Variants in WDR7 observed in about 807,000 individuals in gnomAD.
WDR7 encodes WD repeat domain 7, also known as WD repeat-containing protein 7.
Under a neutral mutation model 169.4 loss-of-function variants are expected in WDR7, and 46 were observed. The observed-to-expected ratio is 0.27, with a 90% CI of 0.21 to 0.35. The LOEUF (loss-of-function observed/expected upper bound fraction) is 0.35. Ranked by LOEUF, WDR7 falls within the 10% of genes least tolerant of loss-of-function variation. The probability of loss-of-function intolerance (pLI) is 1.00; values close to 1 mark genes in which losing one functional copy is unlikely to be tolerated. For missense variants in WDR7, 1,534 were observed against 1,859.3 expected (o/e 0.83, Z 3.22); for synonymous variants, 612 against 666.8 (o/e 0.92, Z 1.27).
intron 22 of WDR7, among the ~76,000 whole-genome samples, chr18:56,929,423 A>G (rs1193094207): frequency 6.6e-6 from 1 of 152,258 alleles, no homozygotes; most frequent in Non-Finnish European, 1.5e-5. Flanking sequence ...TTTGCACACA[A>G]TAAATGTTGA....
At chr18:56,666,021 A>T (rs2025013116) in intron 1 of WDR7, among the ~76,000 whole-genome samples, 1 of 151,780 alleles carries the variant, frequency 6.6e-6, no homozygotes, top group African/African-American at 2.4e-5. Flanking sequence ...GTCCCATGGG[A>T]AGGGTACAAG....
intron 20 of WDR7, among the ~76,000 whole-genome samples, chr18:56,820,649 G>C (rs1051439922): frequency 1.3e-5 from 2 of 151,926 alleles, no homozygotes; most frequent in Admixed American, 6.6e-5. Flanking sequence ...CCTCAGTTAC[G>C]TTGTACAGAC....
At chr18:56,962,194 A>G (rs1172494552) in intron 25 of WDR7, among the ~76,000 whole-genome samples, 1 of 152,072 alleles carries the variant, frequency 6.6e-6, no homozygotes, top group East Asian at 1.9e-4. Flanking sequence ...TCTGTTGAAA[A>G]TAATTATTAA....
At chr18:56,884,457 G>C (rs904041436) in intron 21 of WDR7, among the ~76,000 whole-genome samples, 7 of 152,182 alleles carry the variant, frequency 4.6e-5, no homozygotes, top group African/African-American at 1.4e-4. Context: ...TGGGTTGTCT[G>C]TTTACTCTGC....
At chr18:56,931,706 A>G (rs1406090707) in intron 22 of WDR7, among the ~76,000 whole-genome samples, 1 of 152,258 alleles carries the variant, frequency 6.6e-6, no homozygotes, top group East Asian at 1.9e-4. Context: ...TTGTTTCACT[A>G]GAAGTCAATG....
At chr18:56,915,213 T>G (rs2046608939) in intron 21 of WDR7, among the ~76,000 whole-genome samples, 1 of 152,174 alleles carries the variant, frequency 6.6e-6, no homozygotes, top group Admixed American at 6.5e-5. Context: ...TCATAAATAA[T>G]GGGTACCTTG....
At chr18:56,848,656 C>T (rs1437395646) in intron 20 of WDR7, among the ~76,000 whole-genome samples, 1 of 152,004 alleles carries the variant, frequency 6.6e-6, no homozygotes, top group Non-Finnish European at 1.5e-5. Flanking sequence ...GGCTTGGTAC[C>T]CTCCTCATGG....
At chr18:56,754,630 G>A (rs1363670192) in intron 14 of WDR7, among the ~76,000 whole-genome samples, 4 of 152,086 alleles carry the variant, frequency 2.6e-5, no homozygotes, top group Admixed American at 2.6e-4. Context: ...ATGGTTAGAT[G>A]TGCCCAGAAA....
intron 1 of WDR7, among the ~76,000 whole-genome samples, chr18:56,662,518 T>G (rs1171540297): frequency 6.6e-6 from 1 of 152,220 alleles, no homozygotes; most frequent in Non-Finnish European, 1.5e-5. Context: ...CTGAATCAAA[T>G]GGTCGAAGGT....
intron 2 of WDR7, among the ~76,000 whole-genome samples, chr18:56,674,061 T>C (rs1027697313): frequency 6.6e-6 from 1 of 152,262 alleles, no homozygotes; most frequent in African/African-American, 2.4e-5. Flanking sequence ...CTGGCCCTTA[T>C]GAGTAATGCT....
In WDR7 at chr18:56,672,689, T is replaced by A. The variant is rs1345180441; in HGVS notation, c.159+15T>A. ...TAGAACTGCAAGTGAGTATGTGAAA[T>A]GCCTATTATACATTTTAGATATAAA... On this transcript the variant is annotated intron_variant, in intron 2 of 27. Coordinates refer to ENST00000254442, the MANE Select transcript of WDR7 (RefSeq NM_015285.3). 6.3e-7 allele frequency: 1 copy of A among 1,595,494 alleles called. No homozygotes were observed. Among genetic ancestry groups the A allele is most frequent in the African/African-American group, 1.4e-5 (1 of 73,998 alleles).
chr18:56,941,284 G>A (rs2047032264), intron 25 of WDR7, among the ~76,000 whole-genome samples: 1 of 144,860 alleles, frequency 6.9e-6, no homozygotes, highest in African/African-American at 2.9e-5. Flanking sequence ...TCACAAAGGA[G>A]AAGGCATAAT....
intron 20 of WDR7, among the ~76,000 whole-genome samples, chr18:56,831,073 C>G (rs1057325977): frequency 3.3e-5 from 5 of 152,158 alleles, no homozygotes; most frequent in African/African-American, 4.8e-5. Flanking sequence ...TACATCAACC[C>G]AGCCTGGGAG....
chr18:56,810,336 T>C (rs1243740931), intron 19 of WDR7, among the ~76,000 whole-genome samples: 1 of 152,272 alleles, frequency 6.6e-6, no homozygotes, highest in Non-Finnish European at 1.5e-5. Flanking sequence ...ACCCCTTTAC[T>C]GTCTTCCAAA....
At position 56,901,719 on chromosome 18, in the gene WDR7, T is replaced by A. The variant is rs73436797; in HGVS notation, c.3526+21554T>A. On this transcript the variant is annotated intron_variant, in intron 21 of 27. Transcript: ENST00000254442. ...TCTGAGCCTGCTACTAGGTGCTTTA[T>A]CAGACTGAAGAAATGGTCCCTATAA... Among the ~76,000 whole-genome samples, 390 of 152,284 alleles carry A rather than the reference T, an allele frequency of 2.6e-3. 1 individual carries two copies. The highest frequency in any genetic ancestry group is 9.1e-3 in the African/African-American group (379 of 41,572).
chr18:57,027,085 C>T lies in WDR7; in HGVS notation c.4351C>T (p.Pro1451Ser), dbSNP rs1163970543. The change falls in exon 28 of 28, where the codon CCT becomes TCT. Residue 1451 changes from proline to serine, a missense_variant. Transcript: ENST00000254442. ...CTGCATTAAAACCTACCAGGTGCCC[C>T]CTGTGCAGCCCGCGTCCCCCGGCTC... ...LRCIKTYQVP[P>S]VQPASPGSHN... 17 of 1,614,184 alleles carry T rather than the reference C, an allele frequency of 1.1e-5. No homozygotes were observed. The highest frequency in any genetic ancestry group is 1.4e-5 in the Non-Finnish European group (16 of 1,180,044).
At chr18:56,749,820 T>G (rs932757363) in intron 14 of WDR7, among the ~76,000 whole-genome samples, 1 of 151,938 alleles carries the variant, frequency 6.6e-6, no homozygotes, top group African/African-American at 2.4e-5. Context: ...GAAAATATCA[T>G]TATAATATTG....
At chr18:56,718,697 A>T (rs909197026) in intron 13 of WDR7, among the ~76,000 whole-genome samples, 4 of 152,240 alleles carry the variant, frequency 2.6e-5, no homozygotes, top group African/African-American at 7.2e-5. Context: ...TTATACACAG[A>T]CTGCTGTGGT....
chr18:56,684,935 T>G (rs2025415808), intron 5 of WDR7, among the ~76,000 whole-genome samples: 3 of 152,224 alleles, frequency 2.0e-5, no homozygotes, highest in Admixed American at 1.3e-4. Context: ...CATTCATATA[T>G]TTATCTCTAA....
Sources: allele counts gnomAD v4.1 joint callset (sites outside exome capture counted in the v4.1 genomes callset), GRCh38; gene constraint gnomAD v4.1.1; transcripts MANE v1.5; gene names NCBI Gene and HGNC (gene_info 2026-07-23, HGNC 2026-07-21).